Variants in RGS7BP observed in about 807,000 individuals in gnomAD.
The protein encoded by RGS7BP is regulator of G protein signaling 7 binding protein, also known as regulator of G protein signaling 7-binding protein.
RGS7BP carries 9 observed loss-of-function variants against 31.3 expected under a neutral mutation model. The observed-to-expected ratio is 0.29, with a 90% CI of 0.17 to 0.50. The LOEUF (loss-of-function observed/expected upper bound fraction) is 0.50. Among genes scored for constraint, RGS7BP ranks in the 20% least tolerant of loss-of-function variants. RGS7BP has a pLI of 0.98. For missense variants in RGS7BP, 274 were observed against 322.0 expected (o/e 0.85, Z 1.14); for synonymous variants, 115 against 120.1 (o/e 0.96, Z 0.28).
Position 64,612,083 on chromosome 5 carries a change from G to T in RGS7BP, c.*2831G>T, listed in dbSNP as rs767400750. The stretch of plus-strand genomic sequence containing the variant: ...CACCATATCTTTACTATCCTGTGTT[G>T]ATTTTTTTTTCAAATTACAAAGACA... On this transcript the variant is annotated 3_prime_UTR_variant, in exon 6 of 6. Transcript: ENST00000334025. The T allele has an allele frequency of 6.6e-6, 1 of 152,038 alleles. No homozygotes were observed. Among genetic ancestry groups the T allele is most frequent in the Non-Finnish European group, 1.5e-5 (1 of 67,846 alleles). The allele number at this position is 152,038 out of a possible 1,614,324, so 9.4% of individuals were successfully genotyped here. A position where few individuals can be genotyped will look rare whatever the true frequency, so the allele number is the denominator to read the frequency against.
intron 2 of RGS7BP, among the ~76,000 whole-genome samples, chr5:64,527,361 A>C (rs1386792179): frequency 6.6e-6 from 1 of 152,188 alleles, no homozygotes; most frequent in Non-Finnish European, 1.5e-5. Context: ...TGAAGCGAGG[A>C]CATGATATAT....
chr5:64,509,595 C>G (rs570031883), intron 2 of RGS7BP, among the ~76,000 whole-genome samples: 1 of 151,940 alleles, frequency 6.6e-6, no homozygotes, highest in Non-Finnish European at 1.5e-5. Flanking sequence ...TATGTTACCC[C>G]GGCTGGTCTT....
At chr5:64,606,467 A>T (rs189916505) in intron 5 of RGS7BP, among the ~76,000 whole-genome samples, 1 of 152,038 alleles carries the variant, frequency 6.6e-6, no homozygotes, top group Non-Finnish European at 1.5e-5. Context: ...CACTATGAAG[A>T]TCTTTCTTTC....
chr5:64,538,192 T>G (rs564471215), intron 2 of RGS7BP, among the ~76,000 whole-genome samples: 30 of 152,292 alleles, frequency 2.0e-4, no homozygotes, highest in African/African-American at 7.2e-4. Flanking sequence ...TCTGTCTCCC[T>G]AATTTTAAAA....
rs889971749 is a variant in RGS7BP at position 64,524,663 on chromosome 5, T to G, written c.332+16786T>G. ...AATCCCTAACTCCTAAACTTTCATG[T>G]CCTTTAAAAATTTTATTTTTATTAT... On this transcript the variant is annotated intron_variant, in intron 2 of 5. Coordinates refer to ENST00000334025, the MANE Select transcript of RGS7BP (RefSeq NM_001029875.3). 1.4e-4 allele frequency among the ~76,000 whole-genome samples: 22 copies of G among 152,270 alleles called. No homozygotes were observed. The East Asian group carries it at 3.9e-3, about 27-fold the overall frequency.
chr5:64,558,389 C>T (rs574966128), intron 2 of RGS7BP, among the ~76,000 whole-genome samples: 1 of 152,244 alleles, frequency 6.6e-6, no homozygotes, highest in East Asian at 1.9e-4. Context: ...GTCTTTACTG[C>T]AATCTCTGAA....
intron 4 of RGS7BP, 28 bp from the exon 5 acceptor site, chr5:64,598,337 T>C (rs756431967): frequency 7.7e-7 from 1 of 1,293,826 alleles, no homozygotes; most frequent in East Asian, 2.3e-5. Flanking sequence ...TTACAGCTGA[T>C]TATTCTGTCT....
intron 2 of RGS7BP, among the ~76,000 whole-genome samples, chr5:64,510,490 C>A (rs1316687950): frequency 3.3e-5 from 5 of 152,130 alleles, no homozygotes; most frequent in Non-Finnish European, 2.9e-5. Flanking sequence ...CCAGGAAAAG[C>A]AAATCTATAG....
chr5:64,525,965 G>T (rs1749221795), intron 2 of RGS7BP, among the ~76,000 whole-genome samples: 1 of 152,220 alleles, frequency 6.6e-6, no homozygotes, highest in Non-Finnish European at 1.5e-5. Context: ...CACCATAAGG[G>T]AGAAGGGAAT....
intron 2 of RGS7BP, among the ~76,000 whole-genome samples, chr5:64,537,157 A>T (rs1741396000): frequency 6.6e-6 from 1 of 152,182 alleles, no homozygotes; most frequent in Non-Finnish European, 1.5e-5. Flanking sequence ...ACTCAAAGAG[A>T]AGGTCTTAGT....
At chr5:64,523,830 T>A (rs1305471845) in intron 2 of RGS7BP, among the ~76,000 whole-genome samples, 3 of 152,242 alleles carry the variant, frequency 2.0e-5, no homozygotes, top group Non-Finnish European at 4.4e-5. Context: ...GAAGTCAAAT[T>A]GCTTGAAAGA....
intron 2 of RGS7BP, among the ~76,000 whole-genome samples, chr5:64,554,089 A>T (rs1741863218): frequency 6.6e-6 from 1 of 152,112 alleles, no homozygotes; most frequent in African/African-American, 2.4e-5. Flanking sequence ...TCTCCACCCT[A>T]TATCATCCCA....
intron 2 of RGS7BP, among the ~76,000 whole-genome samples, chr5:64,548,115 C>A (rs2111828591): frequency 6.6e-6 from 1 of 152,076 alleles, no homozygotes; most frequent in South Asian, 2.1e-4. Context: ...TATTATCTAA[C>A]AATATAACTT....
At chr5:64,512,804 C>G (rs892723037) in intron 2 of RGS7BP, among the ~76,000 whole-genome samples, 4 of 151,970 alleles carry the variant, frequency 2.6e-5, no homozygotes, top group Admixed American at 6.6e-5. Flanking sequence ...TATCAAAAAG[C>G]CTGTTCTGAG....
chr5:64,597,970 G>A (rs879611044), intron 4 of RGS7BP, among the ~76,000 whole-genome samples: 1 of 152,142 alleles, frequency 6.6e-6, no homozygotes, highest in Admixed American at 6.5e-5. Context: ...AGCCTTGATA[G>A]CACCATCACC....
At chr5:64,605,166 C>T (rs1483134067) in intron 5 of RGS7BP, among the ~76,000 whole-genome samples, 1 of 151,654 alleles carries the variant, frequency 6.6e-6, no homozygotes, top group Admixed American at 6.6e-5. Context: ...TTCATTTTCA[C>T]ATTTAAAACT....
At chr5:64,561,124 C>A (rs1742045724) in intron 2 of RGS7BP, among the ~76,000 whole-genome samples, 1 of 152,088 alleles carries the variant, frequency 6.6e-6, no homozygotes, top group African/African-American at 2.4e-5. Context: ...CTTACACTAG[C>A]CTGATGGTCC....
chr5:64,593,452 T>C (rs774093815), intron 3 of RGS7BP, among the ~76,000 whole-genome samples: 2 of 152,190 alleles, frequency 1.3e-5, no homozygotes, highest in Non-Finnish European at 2.9e-5. Flanking sequence ...GAAACTGAGC[T>C]AAAAGGTTAG....
rs749727411 is a variant in RGS7BP, at chr5:64,522,142, G to C, written c.332+14265G>C. 3.5e-4 allele frequency among the ~76,000 whole-genome samples: 53 copies of C among 152,184 alleles called. 3 individuals are homozygous for C. The highest frequency in any genetic ancestry group is 1.5e-4 in the Non-Finnish European group (10 of 68,026). On this transcript the variant is annotated intron_variant, in intron 2 of 5. Transcript: ENST00000334025. The stretch of plus-strand genomic sequence containing the variant: ...TAGGTGAGGCAAATATAAACGGTCA[G>C]AATCTTTTTGTGACCATAATTTGGC...
Sources: allele counts gnomAD v4.1 joint callset (sites outside exome capture counted in the v4.1 genomes callset), GRCh38; gene constraint gnomAD v4.1.1; transcripts MANE v1.5; gene names NCBI Gene and HGNC (gene_info 2026-07-23, HGNC 2026-07-21).